Variants in IL1RAPL2 observed in about 807,000 individuals in gnomAD.
The protein encoded by IL1RAPL2 is interleukin 1 receptor accessory protein like 2.
IL1RAPL2 carries 3 observed loss-of-function variants against 44.1 expected under a neutral mutation model. That is an observed-to-expected ratio of 0.07 (90% CI 0.03 to 0.18). The LOEUF (loss-of-function observed/expected upper bound fraction) is 0.18. Ranked by LOEUF, IL1RAPL2 falls within the 10% of genes least tolerant of loss-of-function variation. The pLI is 1.00. For missense variants in IL1RAPL2, 391 were observed against 496.4 expected (o/e 0.79, Z 2.02); for synonymous variants, 181 against 178.8 (o/e 1.01, Z -0.10).
At chrX:105,059,661 G>C (rs910418757) in intron 2 of IL1RAPL2, among the ~76,000 whole-genome samples, 5 of 111,104 alleles carry the variant, frequency 4.5e-5, no homozygotes, top group African/African-American at 1.6e-4. Context: ...CTCCCGAGTA[G>C]CTTGGATTAC....
intron 6 of IL1RAPL2, among the ~76,000 whole-genome samples, chrX:105,574,520 G>C (rs1022092923): frequency 8.9e-6 from 1 of 111,903 alleles, no homozygotes; most frequent in African/African-American, 3.2e-5. Context: ...TGATAATCAC[G>C]TCTGAGAATA....
intron 2 of IL1RAPL2, among the ~76,000 whole-genome samples, chrX:105,041,492 C>G (rs1189678748): frequency 9.1e-6 from 1 of 110,410 alleles, no homozygotes; most frequent in African/African-American, 3.3e-5. Flanking sequence ...TAAAGTCTCC[C>G]ATTATTCATG....
intron 2 of IL1RAPL2, among the ~76,000 whole-genome samples, chrX:105,079,615 G>A (rs1267507005): frequency 9.2e-6 from 1 of 108,641 alleles, no homozygotes; most frequent in African/African-American, 3.3e-5. Flanking sequence ...GGGCATTTGG[G>A]TTGGTTCCAA....
At chrX:104,926,176 C>A (rs1315758694) in intron 2 of IL1RAPL2, among the ~76,000 whole-genome samples, 1 of 111,683 alleles carries the variant, frequency 9.0e-6, no homozygotes, top group Non-Finnish European at 1.9e-5. Context: ...CTGGTCACTA[C>A]CCTGATAGAA....
At chrX:105,293,090 C>G (rs144912017) in intron 5 of IL1RAPL2, among the ~76,000 whole-genome samples, 5,827 of 86,680 alleles carry the variant, frequency 0.067, 219 homozygotes, top group South Asian at 0.15. Context: ...TGCACTCCAG[C>G]CTAGGCGACA....
intron 6 of IL1RAPL2, among the ~76,000 whole-genome samples, chrX:105,700,510 T>A (rs972506361): frequency 6.3e-5 from 7 of 111,569 alleles, no homozygotes; most frequent in African/African-American, 1.6e-4. Context: ...TCCCAGGCAA[T>A]GGGGGTTGAA....
At chrX:105,136,013 C>A (rs1043957170) in intron 2 of IL1RAPL2, among the ~76,000 whole-genome samples, 1 of 111,919 alleles carries the variant, frequency 8.9e-6, no homozygotes, top group African/African-American at 3.2e-5. Flanking sequence ...GCCAAGCAGG[C>A]AGTATCATTA....
intron 6 of IL1RAPL2, among the ~76,000 whole-genome samples, chrX:105,668,897 C>A (rs1280663667): frequency 9.0e-6 from 1 of 111,501 alleles, no homozygotes; most frequent in East Asian, 2.8e-4. Context: ...GGATCATCTA[C>A]AGAACCAGGC....
chrX:105,746,859 C>A (rs2038547317), intron 8 of IL1RAPL2, among the ~76,000 whole-genome samples: 1 of 110,966 alleles, frequency 9.0e-6, no homozygotes, highest in African/African-American at 3.3e-5. Flanking sequence ...ACAGAAAGAC[C>A]AAAAAATTTA....
At chrX:104,963,220 C>A (rs900033529) in intron 2 of IL1RAPL2, among the ~76,000 whole-genome samples, 1 of 111,584 alleles carries the variant, frequency 9.0e-6, no homozygotes, top group African/African-American at 3.3e-5. Context: ...ATAGATTGAG[C>A]TTTCCTTTTA....
At chrX:105,108,962 T>C (rs1216782237) in intron 2 of IL1RAPL2, among the ~76,000 whole-genome samples, 1 of 111,775 alleles carries the variant, frequency 8.9e-6, no homozygotes, top group Non-Finnish European at 1.9e-5. Context: ...ATCTTGTACC[T>C]TTCTCCCATT....
intron 6 of IL1RAPL2, among the ~76,000 whole-genome samples, chrX:105,638,028 C>A (rs771247382): frequency 9.0e-6 from 1 of 110,824 alleles, no homozygotes; most frequent in Admixed American, 9.6e-5. Flanking sequence ...ATTTGCCACA[C>A]CCCCTCCTCA....
intron 7 of IL1RAPL2, among the ~76,000 whole-genome samples, chrX:105,729,477 T>TTTG (rs989160428): frequency 1.8e-5 from 2 of 111,410 alleles, no homozygotes; most frequent in African/African-American, 6.5e-5. Context: ...CAGATGCTTA[T>TTTG]TTGTTATCTG....
At chrX:105,032,626 G>GA (rs2031530223) in intron 2 of IL1RAPL2, among the ~76,000 whole-genome samples, 1 of 111,768 alleles carries the variant, frequency 8.9e-6, no homozygotes, top group Non-Finnish European at 1.9e-5. Flanking sequence ...TACATTTGCT[G>GA]AGGAGAGCTT....
intron 1 of IL1RAPL2, among the ~76,000 whole-genome samples, chrX:104,644,292 T>TA (rs1283213599): frequency 1.8e-5 from 2 of 111,497 alleles, no homozygotes; most frequent in Non-Finnish European, 1.9e-5. Flanking sequence ...CATTCAATGC[T>TA]AAAAAAATCC....
chrX:105,146,629 TCA>T (rs1265084145), intron 2 of IL1RAPL2, among the ~76,000 whole-genome samples: 1 of 111,740 alleles, frequency 8.9e-6, no homozygotes, highest in Non-Finnish European at 1.9e-5. Context: ...TTTAGTATAT[TCA>T]CAGAGTTATC....
chrX:104,585,362 TATATATATTATATATA>T (rs1928531375), intron 1 of IL1RAPL2, among the ~76,000 whole-genome samples: 2 of 23,572 alleles, frequency 8.5e-5, no homozygotes, highest in Non-Finnish European at 1.2e-4. Context: ...TTATATATAT[TATATATATTATATATA>T]ATATATATTA....
At chrX:105,326,394 A>C (rs1243603395) in intron 5 of IL1RAPL2, among the ~76,000 whole-genome samples, 2 of 110,975 alleles carry the variant, frequency 1.8e-5, no homozygotes, top group Admixed American at 1.9e-4. Context: ...TCGAAGCACA[A>C]CAATTTTTGA....
chrX:105,445,435 A>G (rs1408610438), intron 5 of IL1RAPL2, among the ~76,000 whole-genome samples: 2 of 111,025 alleles, frequency 1.8e-5, no homozygotes, highest in Non-Finnish European at 3.8e-5. Flanking sequence ...TTCCTCTACT[A>G]ATATTGAGTT....
Sources: allele counts gnomAD v4.1 joint callset (sites outside exome capture counted in the v4.1 genomes callset), GRCh38; gene constraint gnomAD v4.1.1; transcripts MANE v1.5; gene names NCBI Gene and HGNC (gene_info 2026-07-23, HGNC 2026-07-21).